KDM4C: variants seen among roughly 807,000 people sequenced by gnomAD.
The protein encoded by KDM4C is lysine-specific demethylase 4C.
In KDM4C, 81 loss-of-function variants were observed where a neutral mutation model predicts 129.3. That is an observed-to-expected ratio of 0.63 (90% CI 0.52 to 0.75). KDM4C has a LOEUF of 0.75. Among genes scored for constraint, KDM4C ranks in the 30% least tolerant of loss-of-function variants. KDM4C has a pLI of 0.00. For synonymous variants in KDM4C, 573 were observed against 456.1 expected, an observed-to-expected ratio of 1.26 and a Z score of -3.26; for missense variants, 1,457 against 1,304.0, an observed-to-expected ratio of 1.12 and a Z score of -1.81.
chr9:6,858,936 G>A (rs1031590775), intron 5 of KDM4C, among the ~76,000 whole-genome samples: 11 of 151,254 alleles, frequency 7.3e-5, no homozygotes, highest in Non-Finnish European at 1.5e-4. Flanking sequence ...TATTTGTTAT[G>A]CAAAAATTGT....
intron 4 of KDM4C, among the ~76,000 whole-genome samples, chr9:6,840,686 C>T (rs567428619): frequency 2.0e-5 from 3 of 152,300 alleles, no homozygotes; most frequent in East Asian, 1.9e-4. Flanking sequence ...CATGAGCCAC[C>T]GCATCCAGCC....
intron 17 of KDM4C, among the ~76,000 whole-genome samples, chr9:7,086,603 G>C (rs1219353206): frequency 6.6e-6 from 1 of 152,166 alleles, no homozygotes; most frequent in Non-Finnish European, 1.5e-5. Context: ...ACCCTGTTCA[G>C]CCTTTGATCC....
intron 8 of KDM4C, among the ~76,000 whole-genome samples, chr9:6,921,636 G>A (rs989392586): frequency 6.6e-6 from 1 of 151,988 alleles, no homozygotes; most frequent in African/African-American, 2.4e-5. Flanking sequence ...TTCTTTATTC[G>A]GCAGCCAGCA....
intron 12 of KDM4C, among the ~76,000 whole-genome samples, chr9:6,992,413 G>A (rs1310500495): frequency 6.6e-6 from 1 of 152,218 alleles, no homozygotes; most frequent in African/African-American, 2.4e-5. Flanking sequence ...AACGATGATT[G>A]TAGCTTTTGC....
chr9:6,772,692 CTTTTTTT>C (rs111924156), intron 1 of KDM4C, among the ~76,000 whole-genome samples: 1 of 126,704 alleles, frequency 7.9e-6, no homozygotes, highest in African/African-American at 2.9e-5. Flanking sequence ...TTTTCTTTTA[CTTTTTTT>C]TTTTTTTTTT....
At chr9:7,076,971 G>T (rs1833996906) in intron 17 of KDM4C, 1 of 985,580 alleles carries the variant, frequency 1.0e-6, no homozygotes, top group African/African-American at 1.7e-5. Flanking sequence ...AGGCCCAGAG[G>T]CTTGAATCTA....
chr9:6,956,883 A>G (rs544885183), intron 8 of KDM4C, among the ~76,000 whole-genome samples: 3 of 152,300 alleles, frequency 2.0e-5, no homozygotes, highest in African/African-American at 4.8e-5. Flanking sequence ...CTGGAGCGCT[A>G]TAGTTTCTGG....
At chr9:6,866,000 G>A (rs370560097) in intron 5 of KDM4C, among the ~76,000 whole-genome samples, 6 of 152,018 alleles carry the variant, frequency 3.9e-5, no homozygotes, top group African/African-American at 4.8e-5. Flanking sequence ...TGATCCGCCC[G>A]CCTCGGCCTC....
chr9:6,813,427 GT>G (rs982329168), intron 3 of KDM4C, among the ~76,000 whole-genome samples: 4 of 152,162 alleles, frequency 2.6e-5, no homozygotes, highest in Non-Finnish European at 4.4e-5. Flanking sequence ...AAATTAAGTT[GT>G]TTGGTATTTT....
chr9:6,967,113 A>T (rs572300184), intron 8 of KDM4C, among the ~76,000 whole-genome samples: 44 of 152,222 alleles, frequency 2.9e-4, no homozygotes, highest in Admixed American at 2.3e-3. Context: ...ATCTCCCTGA[A>T]AAATGGGCCA....
At chr9:6,875,968 G>A (rs1259285283) in intron 5 of KDM4C, among the ~76,000 whole-genome samples, 2 of 152,156 alleles carry the variant, frequency 1.3e-5, no homozygotes, top group East Asian at 1.9e-4. Flanking sequence ...AGTATCCTGC[G>A]TTTGCTCGGG....
chr9:6,941,778 C>T (rs1825986482), intron 8 of KDM4C: 1 of 152,212 alleles, frequency 6.6e-6, no homozygotes, highest in Non-Finnish European at 1.5e-5. Flanking sequence ...TGGGAGTAAT[C>T]TGTACCTAGG....
intron 8 of KDM4C, among the ~76,000 whole-genome samples, chr9:6,912,901 T>A (rs901622259): frequency 6.6e-6 from 1 of 152,226 alleles, no homozygotes; most frequent in Non-Finnish European, 1.5e-5. Context: ...TTTCTATTGT[T>A]GATATTTCAA....
At chr9:6,761,140 G>C (rs946229027) in intron 1 of KDM4C, among the ~76,000 whole-genome samples, 4 of 151,648 alleles carry the variant, frequency 2.6e-5, no homozygotes, top group African/African-American at 7.3e-5. Flanking sequence ...CAACCCAGTA[G>C]CTGGGATTAC....
rs546817847 is a variant in KDM4C, at chr9:7,166,037, C to T, written c.2901+680C>T. On this transcript the variant is annotated intron_variant, in intron 20 of 21. Coordinates refer to ENST00000381309, the MANE Select transcript of KDM4C (RefSeq NM_015061.6). ...AATAAGGGAAACAACATGGATAGCA[C>T]GTGCACATTTATATTCCTTCAGAAA... 3.3e-5 allele frequency among the ~76,000 whole-genome samples: 5 copies of T among 152,262 alleles called. No homozygotes were observed. The South Asian group carries it at 1.0e-3, about 32-fold the overall frequency.
Position 6,825,478 on chromosome 9 carries a change from C to T in KDM4C, c.435+10733C>T, listed in dbSNP as rs114695439. On this transcript the variant is annotated intron_variant, in intron 4 of 21. Coordinates refer to ENST00000381309, the MANE Select transcript of KDM4C (RefSeq NM_015061.6). ...CTGTGTTCTATCTTTATTTATTGGC[C>T]TTCAGGTAACTGCATTCCTGATATG... Among the ~76,000 whole-genome samples, 319 of 152,206 alleles carry T rather than the reference C, an allele frequency of 2.1e-3. 3 individuals are homozygous for T. Among genetic ancestry groups the T allele is most frequent in the African/African-American group, 6.3e-3 (260 of 41,530 alleles).
chr9:6,820,409 T>C (rs1832819836), intron 4 of KDM4C, among the ~76,000 whole-genome samples: 1 of 152,166 alleles, frequency 6.6e-6, no homozygotes. Flanking sequence ...AAAACTCGAA[T>C]AGCAGCTGTG....
At chr9:6,789,070 G>T (rs1403613929) in intron 1 of KDM4C, among the ~76,000 whole-genome samples, 4 of 150,938 alleles carry the variant, frequency 2.7e-5, no homozygotes, top group Non-Finnish European at 4.4e-5. Context: ...TTGAAACAGG[G>T]TCCCACTCTT....
At chr9:7,026,776 T>G (rs1825885122) in intron 15 of KDM4C, among the ~76,000 whole-genome samples, 1 of 152,054 alleles carries the variant, frequency 6.6e-6, no homozygotes, top group Non-Finnish European at 1.5e-5. Context: ...CACTGGTTTT[T>G]ATTCTTTCTT....
Sources: allele counts gnomAD v4.1 joint callset (sites outside exome capture counted in the v4.1 genomes callset), GRCh38; gene constraint gnomAD v4.1.1; transcripts MANE v1.5; gene names NCBI Gene and HGNC (gene_info 2026-07-23, HGNC 2026-07-21).